ROR1: variants seen among roughly 807,000 people sequenced by gnomAD.
The protein encoded by ROR1 is ROR family WNT receptor 1.
In ROR1, 19 loss-of-function variants were observed where a neutral mutation model predicts 78.8. That is an observed-to-expected ratio of 0.24 (90% CI 0.17 to 0.35). The LOEUF (loss-of-function observed/expected upper bound fraction) is 0.35. Among genes scored for constraint, ROR1 ranks in the 10% least tolerant of loss-of-function variants. The pLI is 1.00. For missense variants in ROR1, 917 were observed against 1,177.8 expected (o/e 0.78, Z 3.24); for synonymous variants, 386 against 433.6 (o/e 0.89, Z 1.36).
intron 1 of ROR1, among the ~76,000 whole-genome samples, chr1:63,826,319 C>T (rs949227757): frequency 1.3e-5 from 2 of 152,120 alleles, no homozygotes; most frequent in Non-Finnish European, 2.9e-5. Flanking sequence ...ATTTAGCTCC[C>T]ACTTACAAGT....
chr1:64,109,243 T>C (rs1385789762), intron 4 of ROR1, among the ~76,000 whole-genome samples: 1 of 152,232 alleles, frequency 6.6e-6, no homozygotes, highest in East Asian at 1.9e-4. Context: ...TCAGCTCCGA[T>C]GCACAAGATT....
At chr1:63,823,816 C>T (rs1040511656) in intron 1 of ROR1, among the ~76,000 whole-genome samples, 6 of 151,776 alleles carry the variant, frequency 4.0e-5, no homozygotes, top group Non-Finnish European at 7.4e-5. Context: ...GGTGCAATCC[C>T]GGCTTACTGC....
At chr1:63,904,220 T>A (rs781477724) in intron 1 of ROR1, among the ~76,000 whole-genome samples, 5 of 152,098 alleles carry the variant, frequency 3.3e-5, no homozygotes, top group Non-Finnish European at 5.9e-5. Context: ...GGATTACGGG[T>A]TTCTAGAGAA....
intron 2 of ROR1, among the ~76,000 whole-genome samples, chr1:64,027,678 T>C (rs1333065746): frequency 6.6e-6 from 1 of 152,070 alleles, no homozygotes; most frequent in African/African-American, 2.4e-5. Context: ...GTGTATGATA[T>C]TAATTTCGTT....
chr1:63,800,828 C>T (rs2787667), intron 1 of ROR1, among the ~76,000 whole-genome samples: 6,678 of 152,264 alleles, frequency 0.044, 492 homozygotes, highest in African/African-American at 0.15. Context: ...TCTGGATTTT[C>T]GTAATTCTAG....
At chr1:63,986,130 G>T (rs1354758079) in intron 1 of ROR1, among the ~76,000 whole-genome samples, 1 of 152,154 alleles carries the variant, frequency 6.6e-6, no homozygotes, top group Non-Finnish European at 1.5e-5. Context: ...AAATGGTATA[G>T]AGGGGTGCAT....
chr1:63,809,495 A>G (rs1355647605), intron 1 of ROR1, among the ~76,000 whole-genome samples: 1 of 152,218 alleles, frequency 6.6e-6, no homozygotes, highest in Non-Finnish European at 1.5e-5. Flanking sequence ...CATCTTGTGT[A>G]TCATATATAC....
At chr1:63,792,821 C>G (rs1247170470) in intron 1 of ROR1, among the ~76,000 whole-genome samples, 2 of 152,190 alleles carry the variant, frequency 1.3e-5, no homozygotes, top group African/African-American at 4.8e-5. Flanking sequence ...TTATTTTCTA[C>G]TAATGTCTGT....
chr1:63,836,329 G>T (rs1645018549), intron 1 of ROR1, among the ~76,000 whole-genome samples: 1 of 152,240 alleles, frequency 6.6e-6, no homozygotes, highest in Non-Finnish European at 1.5e-5. Context: ...TCATTTTTAG[G>T]ACCTGTTTAT....
intron 1 of ROR1, among the ~76,000 whole-genome samples, chr1:63,885,415 A>AG (rs1266856752): frequency 6.6e-6 from 1 of 151,982 alleles, no homozygotes; most frequent in Non-Finnish European, 1.5e-5. Flanking sequence ...GGGGCCACAG[A>AG]GGGGTGAATA....
intron 4 of ROR1, among the ~76,000 whole-genome samples, chr1:64,129,641 C>T (rs1460303752): frequency 2.0e-5 from 3 of 152,146 alleles, no homozygotes; most frequent in Non-Finnish European, 2.9e-5. Context: ...GGTGCAAGGC[C>T]GCCCTATCAT....
chr1:64,010,211 C>T (rs148173394), intron 2 of ROR1, among the ~76,000 whole-genome samples: 17 of 151,446 alleles, frequency 1.1e-4, no homozygotes, highest in African/African-American at 3.9e-4. Context: ...TTGTCTAATC[C>T]CTCCAGCTGG....
At chr1:64,139,276 A>G (rs1256672306) in intron 5 of ROR1, among the ~76,000 whole-genome samples, 1 of 151,828 alleles carries the variant, frequency 6.6e-6, no homozygotes, top group Non-Finnish European at 1.5e-5. Context: ...CCTGGTGGAA[A>G]GTTTTTTTTT....
At chr1:64,164,823 C>G (rs942815567) in intron 8 of ROR1, among the ~76,000 whole-genome samples, 2 of 152,208 alleles carry the variant, frequency 1.3e-5, no homozygotes, top group Non-Finnish European at 2.9e-5. Flanking sequence ...ACATTTAGCT[C>G]TCACTTAAAA....
chr1:63,875,881 A>C (rs1196874472), intron 1 of ROR1, among the ~76,000 whole-genome samples: 1 of 152,190 alleles, frequency 6.6e-6, no homozygotes, highest in Non-Finnish European at 1.5e-5. Context: ...GTGGGTAAGC[A>C]ATCAGGTGAG....
At chr1:64,142,004 T>A (rs1649331429) in intron 6 of ROR1, among the ~76,000 whole-genome samples, 1 of 152,178 alleles carries the variant, frequency 6.6e-6, no homozygotes, top group South Asian at 2.1e-4. Context: ...CCAACTAGAT[T>A]CCTTATTACA....
chr1:64,036,345 TCA>T (rs1053357998), intron 2 of ROR1, among the ~76,000 whole-genome samples: 3 of 152,152 alleles, frequency 2.0e-5, no homozygotes, highest in African/African-American at 7.2e-5. Flanking sequence ...CTCAACAAAC[TCA>T]CAGTGTGGAA....
chr1:64,006,663 C>A (rs1646430178), intron 1 of ROR1, among the ~76,000 whole-genome samples: 1 of 152,198 alleles, frequency 6.6e-6, no homozygotes, highest in African/African-American at 2.4e-5. Context: ...TACTGCCTAT[C>A]TGACATCTGG....
At chr1:63,834,192 G>A (rs1645006399) in intron 1 of ROR1, among the ~76,000 whole-genome samples, 1 of 151,714 alleles carries the variant, frequency 6.6e-6, no homozygotes, top group African/African-American at 2.4e-5. Context: ...GCCTCCGGAA[G>A]CATGGGGCAT....
Sources: gnomAD v4.1 joint callset for allele counts (sites outside exome capture counted in the v4.1 genomes callset) on GRCh38, gnomAD v4.1.1 for gene constraint, MANE v1.5 for transcripts, NCBI Gene and HGNC (gene_info 2026-07-23, HGNC 2026-07-21) for gene names.